The following SCAF1 variants were observed in gnomAD, a reference collection of about 807,000 sequenced individuals.
SCAF1 encodes the protein splicing factor, arginine/serine-rich 19.
In SCAF1, 28 loss-of-function variants were observed where a neutral mutation model predicts 91.2. That is an observed-to-expected ratio of 0.31 (90% CI 0.23 to 0.42). SCAF1 has a LOEUF of 0.42. Ranked by LOEUF, SCAF1 falls within the 10% of genes least tolerant of loss-of-function variation. The pLI is 1.00. For synonymous variants in SCAF1, 1,036 were observed against 833.7 expected (o/e 1.24, Z -4.18); for missense variants, 1,893 against 1,872.1 (o/e 1.01, Z -0.21).
chr19:49,655,359 G>A (rs2081132702), intron 9 of SCAF1, among the ~76,000 whole-genome samples: 1 of 152,072 alleles, frequency 6.6e-6, no homozygotes, highest in African/African-American at 2.4e-5. Flanking sequence ...AGGTCTAGAT[G>A]TGGGTTTTTG....
chr19:49,658,172 G>A (rs1460902361), intron 10 of SCAF1, 36 bp from the exon 11 acceptor site: 3 of 1,594,286 alleles, frequency 1.9e-6, no homozygotes, highest in South Asian at 1.1e-5. Flanking sequence ...GGCCCCGGGA[G>A]CCTGGTGGTG....
rs1373163829 is a variant in SCAF1 at position 49,652,179 on chromosome 19, G to T, written c.1790G>T (p.Ser597Ile). 2.5e-6 allele frequency: 3 copies of T among 1,202,924 alleles called. No homozygotes were observed. The highest frequency in any genetic ancestry group is 3.1e-6 in the Non-Finnish European group (3 of 967,212). 74.5% of individuals were successfully genotyped at this position (1,202,924 alleles called of 1,614,324 possible). A position where few individuals can be genotyped will look rare whatever the true frequency, so the allele number is the denominator to read the frequency against. ...AGCACCGACCGCCGCCGCGGGGGCA[G>T]CCGCAGGTCGCGGTCCCGGGAGAAG... is the stretch of plus-strand genomic sequence containing the variant. The part of the protein sequence containing the change: ...SRSTDRRRGG[S>I]RRSRSREKRR... Residue 597 changes from serine (S) to isoleucine (I), a missense_variant, in exon 7 of 11, where the codon AGC becomes ATC. Physicochemically the swap from Ser to Ile is moderately radical, Grantham distance 142 (BLOSUM62 -2). Transcript: ENST00000360565.
In SCAF1 at chr19:49,646,672, C is replaced by A; in HGVS notation, c.363-43C>A. Reference sequence around the variant, plus strand: ...AGTGGGAGAGGCCTCAGCGTGAGAGCCAGAAGCACCCCTGAGGCTCACCCA... The same window carrying A: ...AGTGGGAGAGGCCTCAGCGTGAGAGACAGAAGCACCCCTGAGGCTCACCCA... On this transcript the variant is annotated intron_variant, in intron 5 of 10. Coordinates refer to ENST00000360565, the MANE Select transcript of SCAF1 (RefSeq NM_021228.3). This position sits in a 1 kb window ranked among gnomAD's most constrained non-coding sequence, Gnocchi z 5.6. 1 of 1,612,424 alleles carries A rather than the reference C, an allele frequency of 6.2e-7. No individual in the cohort carries two copies. The highest frequency in any genetic ancestry group is 8.5e-7 in the Non-Finnish European group (1 of 1,178,572).
upstream of SCAF1, among the ~76,000 whole-genome samples, chr19:49,641,822 C>G (rs1336883628): frequency 6.6e-6 from 1 of 152,222 alleles, no homozygotes; most frequent in Non-Finnish European, 1.5e-5. Context: ...TCCAGCAAGT[C>G]GTGCTCACTC....
In SCAF1 at chr19:49,645,216, C is replaced by A; in HGVS notation, c.108+82C>A. The A allele has an allele frequency of 6.7e-7, 1 of 1,503,330 alleles. No individual in the cohort carries two copies. Among genetic ancestry groups the A allele is most frequent in the Non-Finnish European group, 9.2e-7 (1 of 1,083,598 alleles). The allele number at this position is 1,503,330 out of a possible 1,614,324, so 93.1% of individuals were successfully genotyped here. ...AGGGGCCTGACTCCAGGGCCTGAGG[C>A]AGGGGCGCTGGACTCTTGGCTCCCT... On this transcript the variant is annotated intron_variant, in intron 2 of 10. Transcript: ENST00000360565. This position sits in a 1 kb window ranked among gnomAD's most constrained non-coding sequence, Gnocchi z 4.6.
In SCAF1 at chr19:49,651,385, C is replaced by T. The variant is rs777752303; in HGVS notation, c.996C>T (p.Ala332=). 3.7e-6 allele frequency: 6 copies of T among 1,607,626 alleles called. No homozygotes were observed. In the Admixed American group the frequency reaches 6.7e-5, roughly 18 times the overall value. Residue 332 remains alanine (A), a synonymous_variant, in exon 7 of 11, where the codon GCC becomes GCT. Transcript: ENST00000360565. The part of the protein sequence containing the change: ...PDAQPTQPTP[A]PGTPPQVDST... ...CGCAGCCCACACAGCCGACTCCCGC[C>T]CCTGGAACGCCGCCCCAGGTGGACT...
chr19:49,652,360 T>C lies in SCAF1; in HGVS notation c.1971T>C (p.Asp657=). 1 of 1,535,284 alleles carries C rather than the reference T, an allele frequency of 6.5e-7. No individual in the cohort carries two copies. The highest frequency in any genetic ancestry group is 8.7e-7 in the Non-Finnish European group (1 of 1,143,510). ...CCCGGGGTGAGAAGCGGTCTGGGGA[T>C]GGCAGCGAGAAGGCCCCGGCGCCCG... ...SRSRGEKRSG[D]GSEKAPAPAP... Residue 657 remains aspartate, a synonymous_variant, in exon 7 of 11, where the codon GAT becomes GAC. Coordinates refer to ENST00000360565, the MANE Select transcript of SCAF1 (RefSeq NM_021228.3).
intron 9 of SCAF1, 95 bp from the exon 10 acceptor site, chr19:49,657,666 A>C: frequency 7.0e-7 from 1 of 1,425,830 alleles, no homozygotes; most frequent in Non-Finnish European, 9.5e-7. Flanking sequence ...ACGGCCAGAG[A>C]GGTTAGGCTG....
rs559964552 is a variant in SCAF1 at position 49,650,854 on chromosome 19, C to T, written c.479-14C>T. 4 of 1,602,184 alleles carry T rather than the reference C, an allele frequency of 2.5e-6. No homozygotes were observed. The highest frequency in any genetic ancestry group is 2.6e-6 in the Non-Finnish European group (3 of 1,173,414). On this transcript the variant is annotated splice_polypyrimidine_tract_variant and intron_variant, in intron 6 of 10. Coordinates refer to ENST00000360565, the MANE Select transcript of SCAF1 (RefSeq NM_021228.3). Reference sequence around the variant, plus strand: ...AAAGGCCCTGACCGCCTCTCTCTCCCTGTTCCTTTGCAGTTTCTCCACAGT... The same window carrying T: ...AAAGGCCCTGACCGCCTCTCTCTCCTTGTTCCTTTGCAGTTTCTCCACAGT...
rs752503814 is a variant in SCAF1 at position 49,658,189 on chromosome 19, A to C, written c.3748-19A>C. On this transcript the variant is annotated intron_variant, in intron 10 of 10. Coordinates refer to ENST00000360565, the MANE Select transcript of SCAF1 (RefSeq NM_021228.3). ...CCCCGGGAGCCTGGTGGTGACTCCA[A>C]CTGTCCCCGGCCCCCCAGATCTGCC... 23 of 1,605,492 alleles carry C rather than the reference A, an allele frequency of 1.4e-5. No individual in the cohort carries two copies. The highest frequency in any genetic ancestry group is 3.3e-5 in the South Asian group (3 of 90,464).
Position 49,654,460 on chromosome 19 carries a change from C to T in SCAF1, c.3399+29C>T, listed in dbSNP as rs373203670. ...GGCTCCCCTGGGGGAGAGTCCCTGC[C>T]GCCCCTTCTTTTGTCCATTGCCTCG... On this transcript the variant is annotated intron_variant, in intron 8 of 10. Coordinates refer to ENST00000360565, the MANE Select transcript of SCAF1 (RefSeq NM_021228.3). The T allele has an allele frequency of 4.4e-5, 71 of 1,599,242 alleles. 1 individual carries two copies. Among genetic ancestry groups the T allele is most frequent in the African/African-American group, 1.1e-4 (8 of 74,616 alleles).
At position 49,645,403 on chromosome 19, in the gene SCAF1, A is replaced by G. The variant is rs775266614; in HGVS notation, c.158A>G (p.Asn53Ser). Residue 53 changes from asparagine (N) to serine (S), a missense_variant, in exon 3 of 11, where the codon AAT (asparagine) becomes AGT (serine). This residue lies in a region of SCAF1 where 270 missense variants were observed against 292.5 expected (regional missense o/e 0.92). Transcript: ENST00000360565. The surrounding 1 kb of genome is among the most constrained non-coding windows in gnomAD (Gnocchi z 4.6). ...AGCTCCCTGCAGGGGGACCTGCCCA[A>G]TGATAAAGGTATGGCGGCTTCCGGT... ...VGSSLQGDLPNDKDGSRCHGL... is the reference protein window; with the variant it reads ...VGSSLQGDLPSDKDGSRCHGL... 1.3e-5 allele frequency: 21 copies of G among 1,613,468 alleles called. No homozygotes were observed. Among genetic ancestry groups the G allele is most frequent in the Non-Finnish European group, 1.5e-5 (18 of 1,179,774 alleles).
At position 49,651,595 on chromosome 19, in the gene SCAF1, G is replaced by A; in HGVS notation, c.1206G>A (p.Glu402=). The change falls in exon 7 of 11, where the codon GAG becomes GAA. Residue 402 remains glutamate, a synonymous_variant. Coordinates refer to ENST00000360565, the MANE Select transcript of SCAF1 (RefSeq NM_021228.3). ...EEGEIVQPEE[E]PRLALSLFRP... ...GGGAGATCGTCCAGCCGGAGGAGGA[G>A]CCCAGGCTGGCGCTGTCCCTCTTCC... The A allele has an allele frequency of 2.6e-6, 4 of 1,534,682 alleles. No homozygotes were observed. Among genetic ancestry groups the A allele is most frequent in the Non-Finnish European group, 3.5e-6 (4 of 1,141,244 alleles).
chr19:49,656,788 C>T (rs993797091), intron 9 of SCAF1, among the ~76,000 whole-genome samples: 1 of 152,188 alleles, frequency 6.6e-6, no homozygotes, highest in Non-Finnish European at 1.5e-5. Context: ...TTGCTCTGTA[C>T]CCAGCCTGTG....
chr19:49,651,763 C>T lies in SCAF1; in HGVS notation c.1374C>T (p.Ala458=). ...ATGCGGAGTCGGACGGCGAGGGCGC[C>T]CTGCAGGTGGACCTAGGGGAGCCGG... The part of the protein sequence containing the change: ...SLHAESDGEG[A]LQVDLGEPAP... Residue 458 remains alanine, a synonymous_variant, in exon 7 of 11, where the codon GCC becomes GCT. Coordinates refer to ENST00000360565, the MANE Select transcript of SCAF1 (RefSeq NM_021228.3). The T allele has an allele frequency of 7.5e-7, 1 of 1,327,294 alleles. No homozygotes were observed. Among genetic ancestry groups the T allele is most frequent in the South Asian group, 1.9e-5 (1 of 53,700 alleles). The allele number at this position is 1,327,294 out of a possible 1,614,324, so 82.2% of individuals were successfully genotyped here.
Position 49,653,584 on chromosome 19 carries a change from C to G in SCAF1, c.3195C>G (p.Ala1065=). The change falls in exon 7 of 11, where the codon GCC becomes GCG. Residue 1065 remains alanine (A), a synonymous_variant. Transcript: ENST00000360565. The stretch of plus-strand genomic sequence containing the variant: ...CTGCCCCCAGCGCGGGGTCCACAGC[C>G]GGTGACTCGGGGGCGGAGGACGGGC... The part of the protein sequence containing the change: ...PSTAPSAGST[A]GDSGAEDGPA... 2 of 1,586,920 alleles carry G rather than the reference C, an allele frequency of 1.3e-6. No individual in the cohort carries two copies. The highest frequency in any genetic ancestry group is 1.7e-5 in the Admixed American group (1 of 58,032).
chr19:49,654,566 G>A, intron 8 of SCAF1, 86 bp from the exon 9 acceptor site: 1 of 1,370,140 alleles, frequency 7.3e-7, no homozygotes, highest in Non-Finnish European at 1.0e-6. Flanking sequence ...CAGCTGTGGG[G>A]AAGTCAGCGT....
intron 7 of SCAF1, 66 bp from the exon 8 acceptor site, chr19:49,654,283 A>T: frequency 7.3e-7 from 1 of 1,362,188 alleles, no homozygotes; most frequent in Non-Finnish European, 1.0e-6. Context: ...TGTCCAGGTG[A>T]GGTTCACCAG....
chr19:49,655,166 C>G (rs1378928295), intron 9 of SCAF1, among the ~76,000 whole-genome samples: 2 of 152,294 alleles, frequency 1.3e-5, no homozygotes, highest in African/African-American at 2.4e-5. Context: ...CCTTGATTAT[C>G]TGTTGCTCGC....
Sources: allele counts gnomAD v4.1 joint callset (sites outside exome capture counted in the v4.1 genomes callset), GRCh38; gene constraint gnomAD v4.1.1; regional missense constraint gnomAD v4.1.1; non-coding constraint Gnocchi (gnomAD v3.1); transcripts MANE v1.5; gene names NCBI Gene and HGNC (gene_info 2026-07-23, HGNC 2026-07-21).